TPP2: variants seen among roughly 807,000 people sequenced by gnomAD.
TPP2 encodes the protein tripeptidyl peptidase 2, also known as tripeptidyl-peptidase 2.
TPP2 carries 34 observed loss-of-function variants against 155.9 expected under a neutral mutation model. The ratio of observed to expected loss-of-function variants is 0.22; its 90% CI spans 0.17 to 0.29. The LOEUF is 0.29. TPP2 is among the 10% of genes least tolerant of loss of function. The pLI is 1.00. For synonymous variants in TPP2, 510 were observed against 529.4 expected (o/e 0.96, Z 0.50); for missense variants, 1,028 against 1,522.3 (o/e 0.68, Z 5.40).
intron 17 of TPP2, among the ~76,000 whole-genome samples, chr13:102,643,897 G>A (rs138648624): frequency 1.3e-5 from 2 of 152,214 alleles, no homozygotes; most frequent in East Asian, 1.9e-4. Flanking sequence ...CCTTCAATGC[G>A]CTCCTTTGTG....
At chr13:102,653,922 A>G (rs1228166207) in intron 24 of TPP2, among the ~76,000 whole-genome samples, 1 of 152,212 alleles carries the variant, frequency 6.6e-6, no homozygotes, top group African/African-American at 2.4e-5. Context: ...AACACTGTTC[A>G]GTTTGAACAC....
intron 10 of TPP2, chr13:102,631,423 A>C (rs1484990236): frequency 6.6e-6 from 1 of 152,262 alleles, no homozygotes; most frequent in Non-Finnish European, 1.5e-5. Context: ...GCCCAGCTAA[A>C]GACACTCAAT....
At chr13:102,629,699 C>A in intron 9 of TPP2, 90 bp downstream of exon 9, 2 of 1,450,986 alleles carry the variant, frequency 1.4e-6, no homozygotes, top group Non-Finnish European at 1.8e-6. Flanking sequence ...CTCTGCTACA[C>A]GTAAGACACT....
intron 1 of TPP2, among the ~76,000 whole-genome samples, chr13:102,599,552 A>G (rs1175231640): frequency 6.6e-6 from 1 of 152,236 alleles, no homozygotes; most frequent in Non-Finnish European, 1.5e-5. Flanking sequence ...ATAAAGGACT[A>G]GAGGCACAAG....
rs200191374 is a variant in TPP2, at chr13:102,636,440, GAATGAGTGGTATCAT to G, written c.1678+52_1678+66del. The G allele has an allele frequency of 1.2e-4, 195 of 1,570,132 alleles. 1 individual carries two copies. In the East Asian group the frequency reaches 4.2e-3, roughly 34 times the overall value. On this transcript the variant is annotated intron_variant, in intron 13 of 29. Transcript: ENST00000376052. Reference sequence around the variant, plus strand: ...GCTGACGTATTCACATTTGCTGTTTGAATGAGTGGTATCATAATAAAGAATTGCTGTTTGGGCCAG... The same window carrying G: ...GCTGACGTATTCACATTTGCTGTTTGAATAAAGAATTGCTGTTTGGGCCAG...
intron 1 of TPP2, 22 bp downstream of exon 1, chr13:102,597,225 C>T (rs1340193306): frequency 3.0e-6 from 4 of 1,331,036 alleles, no homozygotes; most frequent in Non-Finnish European, 3.9e-6. Flanking sequence ...CCCGAGGGCC[C>T]GGGCGCGGGG....
intron 1 of TPP2, among the ~76,000 whole-genome samples, chr13:102,604,547 T>C (rs566609399): frequency 1.3e-5 from 2 of 152,320 alleles, no homozygotes; most frequent in African/African-American, 4.8e-5. Context: ...GGGTGTGGTC[T>C]ATAGTAAATG....
At chr13:102,673,293 T>C (rs149558237) in intron 27 of TPP2, among the ~76,000 whole-genome samples, 1 of 152,306 alleles carries the variant, frequency 6.6e-6, no homozygotes, top group Non-Finnish European at 1.5e-5. Flanking sequence ...TCCCGGCAGT[T>C]TTCACATGCT....
intron 25 of TPP2, among the ~76,000 whole-genome samples, chr13:102,659,683 ACCTTAT>A (rs1271383573): frequency 6.6e-6 from 1 of 152,210 alleles, no homozygotes; most frequent in Non-Finnish European, 1.5e-5. Flanking sequence ...TAGCAAACCC[ACCTTAT>A]AAGAAGTACT....
intron 2 of TPP2, among the ~76,000 whole-genome samples, chr13:102,612,340 G>T (rs1880385220): frequency 1.3e-5 from 2 of 152,138 alleles, no homozygotes. Flanking sequence ...AAAAATGTTT[G>T]ATTTGTTAGG....
At chr13:102,602,370 C>T (rs1270613825) in intron 1 of TPP2, among the ~76,000 whole-genome samples, 1 of 151,554 alleles carries the variant, frequency 6.6e-6, no homozygotes, top group Non-Finnish European at 1.5e-5. Context: ...GGTATGATTC[C>T]CACAGTGATT....
intron 28 of TPP2, among the ~76,000 whole-genome samples, chr13:102,674,980 A>G (rs1173004217): frequency 6.6e-6 from 1 of 152,224 alleles, no homozygotes; most frequent in African/African-American, 2.4e-5. Context: ...AGCATCGTTG[A>G]TGAACTTTTT....
rs1441512799 is a variant in TPP2 at position 102,627,984 on chromosome 13, G to GT, written c.1016+65dup. The GT allele has an allele frequency of 5.2e-6, 7 of 1,350,512 alleles. No homozygotes were observed. The Admixed American group carries it at 1.3e-4, about 26-fold the overall frequency. The allele number at this position is 1,350,512 out of a possible 1,614,324, so 83.7% of individuals were successfully genotyped here. On this transcript the variant is annotated intron_variant, in intron 8 of 29. Coordinates refer to ENST00000376052, the MANE Select transcript of TPP2 (RefSeq NM_001330588.2). ...CCTTAGCCAGTGAAGAGTATGAGAT[G>GT]TTTTTCATAAGTGGATTGAGTGTCA...
intron 23 of TPP2, among the ~76,000 whole-genome samples, chr13:102,650,760 A>G (rs1412346497): frequency 6.6e-6 from 1 of 152,206 alleles, no homozygotes; most frequent in African/African-American, 2.4e-5. Flanking sequence ...TCCCAGTTAC[A>G]TTGTTTTAGG....
intron 16 of TPP2, among the ~76,000 whole-genome samples, chr13:102,641,957 A>T (rs1364798975): frequency 6.6e-6 from 1 of 152,162 alleles, no homozygotes; most frequent in Non-Finnish European, 1.5e-5. Flanking sequence ...CTAGTCCAAG[A>T]TATTGCAGTT....
Position 102,637,116 on chromosome 13 carries a change from A to G in TPP2, c.1713A>G (p.Leu571=), listed in dbSNP as rs1226983854. 2 of 1,610,512 alleles carry G rather than the reference A, an allele frequency of 1.2e-6. No individual in the cohort carries two copies. Among genetic ancestry groups the G allele is most frequent in the Non-Finnish European group, 1.7e-6 (2 of 1,179,258 alleles). The part of the protein sequence containing the change: ...NSEKISLQLH[L]ALTSNSSWVQ... ...AAAAAATATCCCTTCAGCTTCATTT[A>G]GCTCTGACTTCAAATTCATCTTGGG... is the stretch of plus-strand genomic sequence containing the variant. The change falls in exon 14 of 30, where the codon TTA becomes TTG. Residue 571 remains leucine, a synonymous_variant. Transcript: ENST00000376052.
intron 20 of TPP2, 123 bp from the exon 21 acceptor site, chr13:102,647,084 T>G (rs1483863456): frequency 3.2e-6 from 4 of 1,264,454 alleles, no homozygotes; most frequent in Non-Finnish European, 4.2e-6. Flanking sequence ...TTTCAAAATT[T>G]TTTACCACAA....
intron 25 of TPP2, among the ~76,000 whole-genome samples, chr13:102,659,062 T>C (rs974050983): frequency 1.3e-5 from 2 of 152,216 alleles, no homozygotes; most frequent in African/African-American, 4.8e-5. Context: ...ATTTTGCCAG[T>C]GTGGCCTAAG....
intron 3 of TPP2, among the ~76,000 whole-genome samples, chr13:102,615,903 G>A (rs973004078): frequency 5.9e-5 from 9 of 152,016 alleles, no homozygotes; most frequent in African/African-American, 2.2e-4. Flanking sequence ...GCAATGAATT[G>A]ACTAACCAGT....
Sources: allele counts gnomAD v4.1 joint callset (sites outside exome capture counted in the v4.1 genomes callset), GRCh38; gene constraint gnomAD v4.1.1; transcripts MANE v1.5; gene names NCBI Gene and HGNC (gene_info 2026-07-23, HGNC 2026-07-21).